NLRP6: variants seen among roughly 807,000 people sequenced by gnomAD.
NLRP6 encodes the protein NLR family pyrin domain containing 6.
NLRP6 carries 55 observed loss-of-function variants against 70.9 expected under a neutral mutation model. That is an observed-to-expected ratio of 0.78 (90% CI 0.62 to 0.97). The LOEUF is 0.97. Ranked by LOEUF, NLRP6 falls within the 50% of genes least tolerant of loss-of-function variation. The pLI is 0.00. For synonymous variants in NLRP6, 652 were observed against 581.9 expected, an observed-to-expected ratio of 1.12 and a Z score of -1.73; for missense variants, 1,241 against 1,238.3, an observed-to-expected ratio of 1.00 and a Z score of -0.03.
Position 279,548 on chromosome 11 carries a change from C to A in NLRP6, c.251C>A (p.Thr84Asn). The A allele has an allele frequency of 1.4e-6, 2 of 1,444,870 alleles. No homozygotes were observed. Among genetic ancestry groups the A allele is most frequent in the Non-Finnish European group, 1.8e-6 (2 of 1,102,338 alleles). The allele number at this position is 1,444,870 out of a possible 1,614,324, so 89.5% of individuals were successfully genotyped here. ...CCTGCCCTGGAGGTGGCCCGCAAGA[C>A]CCTCAAGAGGGCGGACGCGCGCGAC... ...PEPALEVARKTLKRADARDVA... is the reference protein window; with the variant it reads ...PEPALEVARKNLKRADARDVA... The change falls in exon 2 of 8, where the codon ACC becomes AAC. Residue 84 changes from threonine (T) to asparagine (N), a missense_variant. By Grantham distance (65) the Thr-to-Asn change is moderately conservative. Transcript: ENST00000534750.
Position 285,321 on chromosome 11 carries a change from G to A in NLRP6, c.*17G>A, listed in dbSNP as rs1845543459. ...ACCTTCTGAGGCTCTGGTGGCCAGA[G>A]CAGGGTGGAAGACCCTAGTCAAAGT... On this transcript the variant is annotated 3_prime_UTR_variant, in exon 8 of 8. Transcript: ENST00000534750. The A allele has an allele frequency of 1.2e-6, 2 of 1,605,092 alleles. No individual in the cohort carries two copies. The highest frequency in any genetic ancestry group is 2.7e-5 in the African/African-American group (2 of 74,754).
chr11:281,438 A>T lies in NLRP6; in HGVS notation c.1704A>T (p.Ser568=), dbSNP rs1459610943. ...AGCGCCACTTCGGCTGCATGGTTTC[A>T]GAGCGTGTGAAGCAGGAGGCCCTGC... The part of the protein sequence containing the change: ...DIERHFGCMV[S]ERVKQEALRW... The change falls in exon 4 of 8, where the codon TCA becomes TCT. Residue 568 remains serine (S), a synonymous_variant. Transcript: ENST00000534750. 1.2e-6 allele frequency: 2 copies of T among 1,604,612 alleles called. No individual in the cohort carries two copies. Among genetic ancestry groups the T allele is most frequent in the Non-Finnish European group, 1.7e-6 (2 of 1,175,220 alleles).
chr11:282,050 C>A (rs894497662), intron 4 of NLRP6, among the ~76,000 whole-genome samples: 7 of 152,196 alleles, frequency 4.6e-5, no homozygotes, highest in African/African-American at 1.2e-4. Flanking sequence ...CCGTCAGCCA[C>A]CCACAACCTA....
In NLRP6 at chr11:281,063, C is replaced by A; in HGVS notation, c.1329C>A (p.Arg443=). 6.2e-7 allele frequency: 1 copy of A among 1,612,906 alleles called. No individual in the cohort carries two copies. The highest frequency in any genetic ancestry group is 8.5e-7 in the Non-Finnish European group (1 of 1,179,912). ...ADGPRLQGDL[R]NLCRLAREGV... is the part of the protein sequence containing the mutation. ...GGCCCCGGTTGCAGGGCGACCTGCGCAATCTGTGCCGCCTGGCCCGCGAGG... is the reference window on the plus strand; with the variant it reads ...GGCCCCGGTTGCAGGGCGACCTGCGAAATCTGTGCCGCCTGGCCCGCGAGG... The change falls in exon 4 of 8, where the codon CGC becomes CGA. Residue 443 remains arginine, a synonymous_variant. Coordinates refer to ENST00000534750, the MANE Select transcript of NLRP6 (RefSeq NM_001276700.2).
At position 282,800 on chromosome 11, in the gene NLRP6, G is replaced by A; in HGVS notation, c.2198+3G>A. On this transcript the variant is annotated splice_donor_region_variant and intron_variant, in intron 5 of 7. Coordinates refer to ENST00000534750, the MANE Select transcript of NLRP6 (RefSeq NM_001276700.2). ...CTGTGCCATCTGAGCAGCCTCACGTGAGTGGCCACACCCCCAGCTCTTCCC... is the reference window on the plus strand; with the variant it reads ...CTGTGCCATCTGAGCAGCCTCACGTAAGTGGCCACACCCCCAGCTCTTCCC... The A allele has an allele frequency of 6.2e-7, 1 of 1,603,314 alleles. No individual in the cohort carries two copies. The highest frequency in any genetic ancestry group is 8.5e-7 in the Non-Finnish European group (1 of 1,170,312).
intron 1 of NLRP6, chr11:279,019 A>G: frequency 2.8e-6 from 1 of 355,166 alleles, no homozygotes. Flanking sequence ...GTGGAAGGAC[A>G]GAAGCAGAAA....
Position 279,557 on chromosome 11 carries a change from G to A in NLRP6, c.260G>A (p.Arg87Lys). The A allele has an allele frequency of 7.0e-7, 1 of 1,434,840 alleles. No individual in the cohort carries two copies. Among genetic ancestry groups the A allele is most frequent in the East Asian group, 3.0e-5 (1 of 33,356 alleles). The allele number at this position is 1,434,840 out of a possible 1,614,324, so 88.9% of individuals were successfully genotyped here. A position where few individuals can be genotyped will look rare whatever the true frequency, so the allele number is the denominator to read the frequency against. The stretch of plus-strand genomic sequence containing the variant: ...GAGGTGGCCCGCAAGACCCTCAAGA[G>A]GGCGGACGCGCGCGACGTGGCGGCG... ...ALEVARKTLK[R>K]ADARDVAAQL... The change falls in exon 2 of 8, where the codon AGG (arginine) becomes AAG (lysine). Residue 87 changes from arginine (R) to lysine (K), a missense_variant. Physicochemically the swap from Arg to Lys is conservative, Grantham distance 26. Coordinates refer to ENST00000534750, the MANE Select transcript of NLRP6 (RefSeq NM_001276700.2).
In NLRP6 at chr11:278,981, C is replaced by T. The variant is rs1845426476; in HGVS notation, c.30-346C>T. The T allele has an allele frequency of 2.9e-6, 1 of 349,224 alleles. No individual in the cohort carries two copies. The highest frequency in any genetic ancestry group is 1.0e-4 in the South Asian group (1 of 9,650). 21.6% of individuals were successfully genotyped at this position (349,224 alleles called of 1,614,324 possible). On this transcript the variant is annotated intron_variant, in intron 1 of 7. Transcript: ENST00000534750. The surrounding 1 kb of genome is among the most constrained non-coding windows in gnomAD (Gnocchi z 4.7). ...GCTCAGGGTTCCTTGGAAATACCTCCCTCGGGGCATGTGACCTGTCCTGGG... is the reference window on the plus strand; with the variant it reads ...GCTCAGGGTTCCTTGGAAATACCTCTCTCGGGGCATGTGACCTGTCCTGGG...
At position 281,101 on chromosome 11, in the gene NLRP6, G is replaced by T; in HGVS notation, c.1367G>T (p.Arg456Leu). The T allele has an allele frequency of 6.2e-7, 1 of 1,612,686 alleles. No individual in the cohort carries two copies. The highest frequency in any genetic ancestry group is 8.5e-7 in the Non-Finnish European group (1 of 1,179,714). Residue 456 changes from arginine (R) to leucine (L), a missense_variant, in exon 4 of 8, where the codon CGC (arginine) becomes CTC (leucine). Physicochemically the swap from Arg to Leu is moderately radical, Grantham distance 102 (BLOSUM62 -2). Coordinates refer to ENST00000534750, the MANE Select transcript of NLRP6 (RefSeq NM_001276700.2). ...CTGGCCCGCGAGGGCGTCCTCGGACGCAGGGCGCAGTTTGCCGAGAAGGAA... is the reference window on the plus strand; with the variant it reads ...CTGGCCCGCGAGGGCGTCCTCGGACTCAGGGCGCAGTTTGCCGAGAAGGAA... ...CRLAREGVLGRRAQFAEKELE... is the reference protein window; with the variant it reads ...CRLAREGVLGLRAQFAEKELE...
chr11:280,486 A>T lies in NLRP6; in HGVS notation c.752A>T (p.Asp251Val). 6.3e-7 allele frequency: 1 copy of T among 1,591,408 alleles called. No homozygotes were observed. Among genetic ancestry groups the T allele is most frequent in the East Asian group, 2.3e-5 (1 of 44,128 alleles). The part of the protein sequence containing the change: ...LERPGTRSLA[D>V]LILDQCPDRG... Reference sequence around the variant, plus strand: ...AGGCCGGGCACGCGCAGCCTGGCTGACCTGATCCTGGACCAGTGCCCCGAC... The same window carrying T: ...AGGCCGGGCACGCGCAGCCTGGCTGTCCTGATCCTGGACCAGTGCCCCGAC... The change falls in exon 4 of 8, where the codon GAC (aspartate) becomes GTC (valine). Residue 251 changes from aspartate to valine, a missense_variant. By Grantham distance (152) the Asp-to-Val change is radical. Coordinates refer to ENST00000534750, the MANE Select transcript of NLRP6 (RefSeq NM_001276700.2).
chr11:282,870 A>G (rs1472949115), intron 5 of NLRP6, 73 bp downstream of exon 5: 2 of 1,112,946 alleles, frequency 1.8e-6, no homozygotes, highest in African/African-American at 3.1e-5. Flanking sequence ...AGACGGAAGT[A>G]TGACCTAGGA....
intron 2 of NLRP6, 23 bp from the exon 3 acceptor site, chr11:279,811 C>T: frequency 1.9e-6 from 3 of 1,583,518 alleles, no homozygotes; most frequent in Non-Finnish European, 1.7e-6. Context: ...CTCGGCGGAA[C>T]CTCACCCCAG....
chr11:279,283 A>AAC, intron 1 of NLRP6, 44 bp from the exon 2 acceptor site: 1 of 1,100,398 alleles, frequency 9.1e-7, no homozygotes, highest in Non-Finnish European at 1.1e-6. Context: ...GGCGGGGGTC[A>AAC]CCCGAGGGCC....
In NLRP6 at chr11:280,352, C is replaced by T; in HGVS notation, c.618C>T (p.Ile206=). The change falls in exon 4 of 8, where the codon ATC becomes ATT. Residue 206 remains isoleucine, a synonymous_variant. Transcript: ENST00000534750. ...LTVVLQGPAG[I]GKTMAAKKIL... is the part of the protein sequence containing the mutation. ...TGGTGCTGCAGGGCCCGGCGGGCAT[C>T]GGCAAGACCATGGCGGCCAAAAAGA... The T allele has an allele frequency of 6.5e-7, 1 of 1,529,350 alleles. No individual in the cohort carries two copies. The highest frequency in any genetic ancestry group is 8.8e-7 in the Non-Finnish European group (1 of 1,141,246). The allele number at this position is 1,529,350 out of a possible 1,614,324, so 94.7% of individuals were successfully genotyped here. A position where few individuals can be genotyped will look rare whatever the true frequency, so the allele number is the denominator to read the frequency against.
At position 278,723 on chromosome 11, in the gene NLRP6, C is replaced by G; in HGVS notation, c.29+125C>G. On this transcript the variant is annotated intron_variant, in intron 1 of 7. Coordinates refer to ENST00000534750, the MANE Select transcript of NLRP6 (RefSeq NM_001276700.2). This position sits in a 1 kb window ranked among gnomAD's most constrained non-coding sequence, Gnocchi z 4.7. ...CCACATCCTTCCCCCACCCTCACTC[C>G]CAGGCTCAGGAGCCAAGCACTGCCT... is the stretch of plus-strand genomic sequence containing the variant. 1.5e-6 allele frequency: 1 copy of G among 657,992 alleles called. No individual in the cohort carries two copies. 40.8% of individuals were successfully genotyped at this position (657,992 alleles called of 1,614,324 possible). A position where few individuals can be genotyped will look rare whatever the true frequency, so the allele number is the denominator to read the frequency against.
intron 5 of NLRP6, 90 bp from the exon 6 acceptor site, chr11:284,140 G>A: frequency 2.5e-6 from 3 of 1,206,396 alleles, no homozygotes; most frequent in Middle Eastern, 1.9e-4. Context: ...GCTGAACCCT[G>A]GGCCACCGGG....
chr11:279,265 C>CGGGGGGG, intron 1 of NLRP6, 62 bp from the exon 2 acceptor site: 6 of 1,202,646 alleles, frequency 5.0e-6, no homozygotes, highest in East Asian at 6.5e-5. Flanking sequence ...GCGCCAGAGT[C>CGGGGGGG]GGGGGCGGGC....
rs189284749 is a variant in NLRP6 at position 284,170 on chromosome 11, T to C, written c.2199-60T>C. On this transcript the variant is annotated intron_variant, in intron 5 of 7. Transcript: ENST00000534750. ...ACCGGGCAGCGGGCATTTTGTGCAG[T>C]TGGAGGTGGTGTGGTGGCTGAGGCG... 8 of 1,490,884 alleles carry C rather than the reference T, an allele frequency of 5.4e-6. No individual in the cohort carries two copies. In the Admixed American group the frequency reaches 1.0e-4, roughly 19 times the overall value. The allele number at this position is 1,490,884 out of a possible 1,614,324, so 92.4% of individuals were successfully genotyped here. A position where few individuals can be genotyped will look rare whatever the true frequency, so the allele number is the denominator to read the frequency against.
rs1468222362 is a variant in NLRP6 at position 280,966 on chromosome 11, C to T, written c.1232C>T (p.Thr411Met). The change falls in exon 4 of 8, where the codon ACG becomes ATG. Residue 411 changes from threonine (T) to methionine (M), a missense_variant. Transcript: ENST00000534750. ...GAGCTCGGTCGGGACCTGTCGCGCACGTCCAAGACCACCACGTCAGTGTAC... is the reference window on the plus strand; with the variant it reads ...GAGCTCGGTCGGGACCTGTCGCGCATGTCCAAGACCACCACGTCAGTGTAC... ...QLELGRDLSR[T>M]SKTTTSVYLL... 2 of 1,613,214 alleles carry T rather than the reference C, an allele frequency of 1.2e-6. No individual in the cohort carries two copies. The highest frequency in any genetic ancestry group is 1.3e-5 in the African/African-American group (1 of 75,060).
Sources: allele counts gnomAD v4.1 joint callset (sites outside exome capture counted in the v4.1 genomes callset), GRCh38; gene constraint gnomAD v4.1.1; non-coding constraint Gnocchi (gnomAD v3.1); transcripts MANE v1.5; gene names NCBI Gene and HGNC (gene_info 2026-07-23, HGNC 2026-07-21).